Variants in MR1 observed in about 807,000 individuals in gnomAD.
The protein encoded by MR1 is major histocompatibility complex class I-related protein 1.
MR1 carries 44 observed loss-of-function variants against 37.8 expected under a neutral mutation model. The observed-to-expected ratio is 1.16, with a 90% CI of 0.91 to 1.50. MR1 has a LOEUF of 1.50. MR1 is among the 40% of genes most tolerant of loss of function. The pLI is 0.00. For missense variants in MR1, 386 were observed against 419.1 expected (o/e 0.92, Z 0.69); for synonymous variants, 153 against 155.8 (o/e 0.98, Z 0.13).
chr1:181,051,922 T>G (rs1419509946), intron 3 of MR1, among the ~76,000 whole-genome samples: 2 of 152,198 alleles, frequency 1.3e-5, no homozygotes, highest in African/African-American at 4.8e-5. Flanking sequence ...CAGTTTTCCT[T>G]GACACATAAA....
intron 2 of MR1, 198 bp downstream of exon 2, chr1:181,049,510 T>G: frequency 1.6e-6 from 1 of 643,264 alleles, no homozygotes; most frequent in Non-Finnish European, 2.6e-6. Flanking sequence ...CCAGGAGCAC[T>G]CTGTCATTTG....
intron 1 of MR1, among the ~76,000 whole-genome samples, chr1:181,037,606 C>G (rs189379133): frequency 1.3e-5 from 2 of 152,296 alleles, no homozygotes; most frequent in African/African-American, 4.8e-5. Context: ...ACACATGACT[C>G]TTTGAACACT....
chr1:181,048,603 G>C (rs377739877), intron 1 of MR1, among the ~76,000 whole-genome samples: 10 of 152,070 alleles, frequency 6.6e-5, no homozygotes, highest in African/African-American at 2.2e-4. Context: ...TGCACACACA[G>C]AGGTGGAGTG....
rs770932178 is a variant in MR1 at position 181,050,250 on chromosome 1, T to G, written c.568T>G (p.Phe190Val). 6.2e-7 allele frequency: 1 copy of G among 1,614,202 alleles called. No homozygotes were observed. The highest frequency in any genetic ancestry group is 1.7e-5 in the Admixed American group (1 of 60,034). The change falls in exon 3 of 6, where the codon TTC (phenylalanine) becomes GTC (valine). Residue 190 changes from phenylalanine to valine, a missense_variant. Physicochemically the swap from Phe to Val is conservative, Grantham distance 50. Coordinates refer to ENST00000367580, the MANE Select transcript of MR1 (RefSeq NM_001385161.1). ...EEECIAWLKR[F>V]LEYGKDTLQR... ...AGAATGTATTGCCTGGCTAAAGAGA[T>G]TCCTGGAGTATGGGAAAGACACCCT...
chr1:181,060,382 A>G lies in MR1; in HGVS notation c.*5117A>G, dbSNP rs1420645568. 1 of 152,130 alleles carries G rather than the reference A, an allele frequency of 6.6e-6. No individual in the cohort carries two copies. Among genetic ancestry groups the G allele is most frequent in the Non-Finnish European group, 1.5e-5 (1 of 68,022 alleles). The allele number at this position is 152,130 out of a possible 1,614,324, so 9.4% of individuals were successfully genotyped here. A position where few individuals can be genotyped will look rare whatever the true frequency, so the allele number is the denominator to read the frequency against. ...TATAACTTCAACATGAATTTTTTGGAGGAAACAATTCAACTCCTAACACAT... is the reference window on the plus strand; with the variant it reads ...TATAACTTCAACATGAATTTTTTGGGGGAAACAATTCAACTCCTAACACAT... On this transcript the variant is annotated 3_prime_UTR_variant, in exon 6 of 6. Coordinates refer to ENST00000367580, the MANE Select transcript of MR1 (RefSeq NM_001385161.1).
At chr1:181,037,790 A>T (rs1657351344) in intron 1 of MR1, among the ~76,000 whole-genome samples, 1 of 152,226 alleles carries the variant, frequency 6.6e-6, no homozygotes, top group African/African-American at 2.4e-5. Context: ...TTTCTGGGAA[A>T]CATAAGACAT....
chr1:181,049,675 A>C, intron 2 of MR1: 1 of 474,950 alleles, frequency 2.1e-6, no homozygotes, highest in Non-Finnish European at 3.8e-6. Flanking sequence ...TATCGACAGT[A>C]ACTTTCCCAG....
Position 181,049,325 on chromosome 1 carries a change from C to T in MR1, c.328+13C>T, listed in dbSNP as rs1658152811. ...TACAATCACTCAGGTGTGCATGCGGCAGAGACAGACGCTTCCCCCATCCCA... is the reference window on the plus strand; with the variant it reads ...TACAATCACTCAGGTGTGCATGCGGTAGAGACAGACGCTTCCCCCATCCCA... On this transcript the variant is annotated intron_variant, in intron 2 of 5. Coordinates refer to ENST00000367580, the MANE Select transcript of MR1 (RefSeq NM_001385161.1). 3.7e-6 allele frequency: 6 copies of T among 1,607,338 alleles called. No homozygotes were observed. The highest frequency in any genetic ancestry group is 5.1e-6 in the Non-Finnish European group (6 of 1,176,092).
intron 5 of MR1, 46 bp from the exon 6 acceptor site, chr1:181,055,179 T>C: frequency 1.3e-6 from 2 of 1,586,538 alleles, no homozygotes; most frequent in Non-Finnish European, 8.7e-7. Context: ...TTTTGAGCTG[T>C]GAGGAAACAT....
intron 1 of MR1, among the ~76,000 whole-genome samples, chr1:181,039,257 A>G: frequency 6.6e-6 from 1 of 152,248 alleles, no homozygotes; most frequent in Non-Finnish European, 1.5e-5. Context: ...TGTGATGACT[A>G]TGATTAAGAT....
intron 5 of MR1, among the ~76,000 whole-genome samples, chr1:181,054,937 A>G (rs1658530113): frequency 6.6e-6 from 1 of 152,228 alleles, no homozygotes; most frequent in South Asian, 2.1e-4. Flanking sequence ...TTCTTTATAG[A>G]TAAAGTACAG....
At position 181,045,413 on chromosome 1, in the gene MR1, G is replaced by A. The variant is rs187709262; in HGVS notation, c.68-3639G>A. On this transcript the variant is annotated intron_variant, in intron 1 of 5. Coordinates refer to ENST00000367580, the MANE Select transcript of MR1 (RefSeq NM_001385161.1). ...CACCTCCCAGGCATCGCCTCTGCCC[G>A]TGACGCCTGTCACTGTGCTCCAGAC... 5.5e-4 allele frequency among the ~76,000 whole-genome samples: 83 copies of A among 152,006 alleles called. 1 individual carries two copies. The Middle Eastern group carries it at 0.014, about 25-fold the overall frequency.
At chr1:181,034,475 T>C (rs544984463) in intron 1 of MR1, among the ~76,000 whole-genome samples, 57 of 72,954 alleles carry the variant, frequency 7.8e-4, no homozygotes, top group Admixed American at 3.6e-3. Flanking sequence ...GGTTTATTTA[T>C]GTTTTTCCTC....
Position 181,053,623 on chromosome 1 carries a change from C to A in MR1, c.931C>A (p.Leu311Ile). 6.2e-7 allele frequency: 1 copy of A among 1,613,908 alleles called. No individual in the cohort carries two copies. The highest frequency in any genetic ancestry group is 8.5e-7 in the Non-Finnish European group (1 of 1,179,858). Residue 311 changes from leucine (L) to isoleucine (I), a missense_variant, in exon 5 of 6, where the codon CTT becomes ATT. Physicochemically the swap from Leu to Ile is conservative, Grantham distance 5. Transcript: ENST00000367580. ...GAAAGCTGTCTCTGGGTCCATTGTC[C>A]TTGTCATTGTGCTGGCTGGAGTTGG... is the stretch of plus-strand genomic sequence containing the variant. The part of the protein sequence containing the change: ...VMKAVSGSIV[L>I]VIVLAGVGVL...
intron 1 of MR1, among the ~76,000 whole-genome samples, chr1:181,045,900 C>T (rs1034348750): frequency 6.6e-6 from 1 of 152,222 alleles, no homozygotes; most frequent in Admixed American, 6.5e-5. Flanking sequence ...TCCAAGTGGG[C>T]GTGGGCTTGG....
Position 181,052,525 on chromosome 1 carries a change from C to G in MR1, c.880+15C>G. 9.3e-6 allele frequency: 15 copies of G among 1,606,654 alleles called. No individual in the cohort carries two copies. Among genetic ancestry groups the G allele is most frequent in the Non-Finnish European group, 1.3e-5 (15 of 1,174,322 alleles). On this transcript the variant is annotated intron_variant, in intron 4 of 5. Transcript: ENST00000367580. ...GGTCCCCCAGGGTAAGGACGGGGAT[C>G]GTGGCTGTCTAGGGAGAGAGCCTGG...
intron 1 of MR1, among the ~76,000 whole-genome samples, chr1:181,048,358 A>G (rs930182013): frequency 3.9e-5 from 6 of 151,902 alleles, no homozygotes; most frequent in Non-Finnish European, 8.8e-5. Flanking sequence ...ACATGATGAA[A>G]CACTGACTCT....
At chr1:181,049,843 TG>T in intron 2 of MR1, 167 bp from the exon 3 acceptor site, 1 of 685,934 alleles carries the variant, frequency 1.5e-6, no homozygotes, top group Non-Finnish European at 2.5e-6. Context: ...TGCTGACAGG[TG>T]GGCTTCCATA....
chr1:181,058,997 C>T lies in MR1; in HGVS notation c.*3732C>T, dbSNP rs1488808204. Reference sequence around the variant, plus strand: ...ACATTCTTGCTTGTTAGCACCTGCTCTCTGGAGTTTGCTATTTTCTCACAC... The same window carrying T: ...ACATTCTTGCTTGTTAGCACCTGCTTTCTGGAGTTTGCTATTTTCTCACAC... On this transcript the variant is annotated 3_prime_UTR_variant, in exon 6 of 6. Coordinates refer to ENST00000367580, the MANE Select transcript of MR1 (RefSeq NM_001385161.1). The T allele has an allele frequency of 6.6e-6, 1 of 152,228 alleles. No homozygotes were observed. The highest frequency in any genetic ancestry group is 1.5e-5 in the Non-Finnish European group (1 of 68,024). 9.4% of individuals were successfully genotyped at this position (152,228 alleles called of 1,614,324 possible).
Sources: gnomAD v4.1 joint callset for allele counts (sites outside exome capture counted in the v4.1 genomes callset) on GRCh38, gnomAD v4.1.1 for gene constraint, MANE v1.5 for transcripts, NCBI Gene and HGNC (gene_info 2026-07-23, HGNC 2026-07-21) for gene names.